Variants in ERC2 observed in about 807,000 individuals in gnomAD.
ERC2 encodes ELKS/RAB6-interacting/CAST family member 2.
In ERC2, 42 loss-of-function variants were observed where a neutral mutation model predicts 114.8. The ratio of observed to expected loss-of-function variants is 0.37; its 90% CI spans 0.29 to 0.47. The LOEUF is 0.47. ERC2 is among the 20% of genes least tolerant of loss of function. The probability of loss-of-function intolerance (pLI) is 0.99; values close to 1 mark genes in which losing one functional copy is unlikely to be tolerated. For missense variants in ERC2, 939 were observed against 1,150.7 expected (o/e 0.82, Z 2.66); for synonymous variants, 454 against 425.5 (o/e 1.07, Z -0.82).
At chr3:56,048,561 G>C (rs1232491318) in intron 7 of ERC2, among the ~76,000 whole-genome samples, 1 of 152,176 alleles carries the variant, frequency 6.6e-6, no homozygotes, top group East Asian at 1.9e-4. Flanking sequence ...CGCAGGTCCA[G>C]TCTCAGTGAG....
intron 6 of ERC2, among the ~76,000 whole-genome samples, chr3:56,116,124 C>T (rs1273489630): frequency 6.6e-6 from 1 of 152,208 alleles, no homozygotes; most frequent in Non-Finnish European, 1.5e-5. Flanking sequence ...GTGCCCCTTC[C>T]TCTTGGAAGT....
intron 17 of ERC2, among the ~76,000 whole-genome samples, chr3:55,519,073 T>A (rs2052724336): frequency 6.6e-6 from 1 of 152,138 alleles, no homozygotes; most frequent in African/African-American, 2.4e-5. Context: ...GATGTCCGAG[T>A]CATCCTGGAG....
intron 17 of ERC2, among the ~76,000 whole-genome samples, chr3:55,618,640 A>G (rs1265963627): frequency 1.3e-5 from 2 of 152,208 alleles, no homozygotes; most frequent in Non-Finnish European, 2.9e-5. Flanking sequence ...GAGTCTATAT[A>G]TAGTAAAATT....
intron 17 of ERC2, among the ~76,000 whole-genome samples, chr3:55,677,343 G>A (rs1364793653): frequency 3.3e-5 from 5 of 151,856 alleles, no homozygotes; most frequent in African/African-American, 7.2e-5. Context: ...GGCCTGCTAT[G>A]TAGGTGGCTT....
In ERC2 at chr3:55,809,109, T is replaced by A. The variant is rs146998850; in HGVS notation, c.2565-74191A>T. On this transcript the variant is annotated intron_variant, in intron 14 of 17. Transcript: ENST00000288221. ...AGATGGAAAAGAAAGGAAGTACTAG[T>A]TACATTTAGAGTCAGATGTAAAGAT... Among the ~76,000 whole-genome samples, 13 of 152,190 alleles carry A rather than the reference T, an allele frequency of 8.5e-5. No homozygotes were observed. In the East Asian group the frequency reaches 2.5e-3, roughly 29 times the overall value.
In ERC2 at chr3:56,434,669, A is replaced by T. The variant is rs763685870; in HGVS notation, c.339T>A (p.Asp113Glu). Residue 113 changes from aspartate (D) to glutamate (E), a missense_variant, in exon 2 of 18, where the codon GAT (aspartate) becomes GAA (glutamate). Asp to Glu is a conservative substitution (Grantham distance 45). Around this residue, in one of 5 missense-constraint regions of ERC2, gnomAD observed 281 missense variants for 307.4 expected, o/e 0.91. Coordinates refer to ENST00000288221, the MANE Select transcript of ERC2 (RefSeq NM_015576.3). ...NIASAGLSHT[D>E]VLSYTDQHGG... ...CATGTTGATCTGTGTATGAAAGGAC[A>T]TCTGTGTGGGAAAGTCCAGCAGAAG... 39 of 1,613,964 alleles carry T rather than the reference A, an allele frequency of 2.4e-5. No individual in the cohort carries two copies. The South Asian group carries it at 3.8e-4, about 16-fold the overall frequency.
intron 6 of ERC2, 31 bp downstream of exon 6, chr3:56,139,478 T>C (rs2080720628): frequency 6.3e-7 from 1 of 1,589,980 alleles, no homozygotes; most frequent in Non-Finnish European, 8.6e-7. Flanking sequence ...TCAATGTCTC[T>C]GCTGTCTAGA....
intron 1 of ERC2, among the ~76,000 whole-genome samples, chr3:56,436,396 G>A (rs1004357997): frequency 5.3e-5 from 8 of 152,220 alleles, no homozygotes; most frequent in South Asian, 4.1e-4. Context: ...AGATTTTGAA[G>A]GTAAGTGTCT....
chr3:55,852,288 A>G (rs1017034414), intron 14 of ERC2, among the ~76,000 whole-genome samples: 1 of 152,218 alleles, frequency 6.6e-6, no homozygotes, highest in African/African-American at 2.4e-5. Context: ...CACAAGAATA[A>G]ACTACTAGCT....
intron 5 of ERC2, 140 bp downstream of exon 5, chr3:56,148,837 T>C: frequency 1.4e-6 from 1 of 729,372 alleles, no homozygotes. Context: ...CTAAAAATCT[T>C]CCGCATTCTA....
Position 55,591,604 on chromosome 3 carries a change from C to T in ERC2, c.*40-80328G>A, listed in dbSNP as rs575841440. 8.0e-5 allele frequency among the ~76,000 whole-genome samples: 12 copies of T among 149,492 alleles called. No individual in the cohort carries two copies. In the East Asian group the frequency reaches 1.4e-3, roughly 17 times the overall value. ...GTGTGTGTGTGTGTGTGTGTGTGCGCGCGCGTGTGGTTTTGACCAAAGCAG... is the reference window on the plus strand; with the variant it reads ...GTGTGTGTGTGTGTGTGTGTGTGCGTGCGCGTGTGGTTTTGACCAAAGCAG... On this transcript the variant is annotated intron_variant, in intron 17 of 17. Transcript: ENST00000288221.
intron 14 of ERC2, among the ~76,000 whole-genome samples, chr3:55,885,719 T>C (rs995619610): frequency 6.6e-6 from 1 of 152,202 alleles, no homozygotes; most frequent in African/African-American, 2.4e-5. Context: ...TCACAAAGTA[T>C]GCTAAACAGA....
At chr3:55,593,433 TG>T (rs1407170632) in intron 17 of ERC2, among the ~76,000 whole-genome samples, 1 of 152,200 alleles carries the variant, frequency 6.6e-6, no homozygotes, top group East Asian at 1.9e-4. Flanking sequence ...CTTTCCTTCA[TG>T]GTGTCCCTTA....
At chr3:56,050,551 G>A (rs1200918619) in intron 7 of ERC2, among the ~76,000 whole-genome samples, 1 of 152,118 alleles carries the variant, frequency 6.6e-6, no homozygotes, top group East Asian at 1.9e-4. Flanking sequence ...CAGTCACACT[G>A]AAGTCCTTGA....
chr3:55,857,722 G>T (rs2061853802), intron 14 of ERC2, among the ~76,000 whole-genome samples: 1 of 152,212 alleles, frequency 6.6e-6, no homozygotes, highest in South Asian at 2.1e-4. Context: ...GCTCCTTGGA[G>T]AGAGAGAAAG....
Position 55,508,915 on chromosome 3 carries a change from G to C in ERC2, c.*2401C>G, listed in dbSNP as rs2051918465. The C allele has an allele frequency of 6.6e-6, 1 of 152,578 alleles. No homozygotes were observed. Among genetic ancestry groups the C allele is most frequent in the Non-Finnish European group, 1.5e-5 (1 of 68,024 alleles). 9.5% of individuals were successfully genotyped at this position (152,578 alleles called of 1,614,324 possible). ...TCTTTTTTCAACTATGTTATGATTA[G>C]AAGAAAACCTGTTAAAGTTTGCGCA... On this transcript the variant is annotated 3_prime_UTR_variant, in exon 18 of 18. Coordinates refer to ENST00000288221, the MANE Select transcript of ERC2 (RefSeq NM_015576.3).
At chr3:55,538,405 C>T (rs2054139233) in intron 17 of ERC2, among the ~76,000 whole-genome samples, 1 of 152,174 alleles carries the variant, frequency 6.6e-6, no homozygotes, top group Non-Finnish European at 1.5e-5. Context: ...CAGCAATCAC[C>T]ATGACAACAC....
intron 1 of ERC2, among the ~76,000 whole-genome samples, chr3:56,461,236 A>G (rs920368536): frequency 6.6e-6 from 1 of 152,246 alleles, no homozygotes; most frequent in South Asian, 2.1e-4. Context: ...AGTAAGTTAC[A>G]TAAAGTTTAG....
intron 3 of ERC2, among the ~76,000 whole-genome samples, chr3:56,271,372 T>G (rs2053643353): frequency 6.6e-6 from 1 of 152,212 alleles, no homozygotes; most frequent in South Asian, 2.1e-4. Flanking sequence ...GAAATATAAC[T>G]GAATTCAAGT....
Sources: allele counts gnomAD v4.1 joint callset (sites outside exome capture counted in the v4.1 genomes callset), GRCh38; gene constraint gnomAD v4.1.1; regional missense constraint gnomAD v4.1.1; transcripts MANE v1.5; gene names NCBI Gene and HGNC (gene_info 2026-07-23, HGNC 2026-07-21).